ASIC2: variants seen among roughly 807,000 people sequenced by gnomAD.
ASIC2 encodes the protein acid sensing ion channel subunit 2, also known as acid-sensing ion channel 2.
In ASIC2, 25 loss-of-function variants were observed where a neutral mutation model predicts 57.3. That is an observed-to-expected ratio of 0.44 (90% CI 0.32 to 0.61). The LOEUF is 0.61. ASIC2 is among the 20% of genes least tolerant of loss of function. The pLI is 0.06. For synonymous variants in ASIC2, 319 were observed against 307.5 expected, an observed-to-expected ratio of 1.04 and a Z score of -0.39; for missense variants, 641 against 738.1, an observed-to-expected ratio of 0.87 and a Z score of 1.52.
chr17:33,108,434 G>T (rs2092243717), intron 2 of ASIC2, among the ~76,000 whole-genome samples: 1 of 152,146 alleles, frequency 6.6e-6, no homozygotes, highest in African/African-American at 2.4e-5. Flanking sequence ...GGGCAGGAAG[G>T]CTGCCTCCTG....
At chr17:34,129,101 A>G (rs1408866215) in intron 1 of ASIC2, among the ~76,000 whole-genome samples, 1 of 152,174 alleles carries the variant, frequency 6.6e-6, no homozygotes, top group Non-Finnish European at 1.5e-5. Context: ...GAACTATGAG[A>G]ATAAAAAGCG....
chr17:33,357,649 A>G (rs908280761), intron 1 of ASIC2, among the ~76,000 whole-genome samples: 4 of 152,060 alleles, frequency 2.6e-5, no homozygotes, highest in Admixed American at 1.3e-4. Flanking sequence ...TAAATCTCCC[A>G]CATGTATTAC....
chr17:33,968,660 T>C (rs1002063963), intron 1 of ASIC2, among the ~76,000 whole-genome samples: 1 of 152,144 alleles, frequency 6.6e-6, no homozygotes, highest in African/African-American at 2.4e-5. Context: ...GGGCTTCAGC[T>C]CCGTTGGGCT....
intron 1 of ASIC2, among the ~76,000 whole-genome samples, chr17:34,060,316 T>C (rs1311887792): frequency 6.6e-6 from 1 of 152,144 alleles, no homozygotes; most frequent in Non-Finnish European, 1.5e-5. Flanking sequence ...ATCAAGGGAA[T>C]ATCCTGTGAG....
intron 1 of ASIC2, among the ~76,000 whole-genome samples, chr17:34,011,265 A>G (rs1398888496): frequency 6.6e-6 from 1 of 152,148 alleles, no homozygotes; most frequent in East Asian, 1.9e-4. Flanking sequence ...ATAGACGCAC[A>G]TACCTTGGCC....
rs532208371 is a variant in ASIC2 at position 34,040,736 on chromosome 17, C to G, written c.555+115242G>C. Among the ~76,000 whole-genome samples, 580 of 152,208 alleles carry G rather than the reference C, an allele frequency of 3.8e-3. 3 individuals carry two copies. The highest frequency in any genetic ancestry group is 0.013 in the African/African-American group (539 of 41,522). On this transcript the variant is annotated intron_variant, in intron 1 of 9. Transcript: ENST00000359872. ...CCAGTGTCCTCACCTCTCCCCTTCC[C>G]CAGCCTCACCTCTCACATTTCCAGA... is the stretch of plus-strand genomic sequence containing the variant.
intron 1 of ASIC2, among the ~76,000 whole-genome samples, chr17:33,896,806 G>C (rs1353359904): frequency 2.6e-5 from 4 of 152,154 alleles, no homozygotes; most frequent in Admixed American, 6.5e-5. Context: ...TGTGTCCCAG[G>C]GTCCCATGTC....
intron 1 of ASIC2, among the ~76,000 whole-genome samples, chr17:33,991,973 A>T (rs1346414506): frequency 2.0e-5 from 3 of 152,132 alleles, no homozygotes; most frequent in Non-Finnish European, 4.4e-5. Flanking sequence ...GAGGTGTTTG[A>T]TCTTTAAGAT....
At chr17:33,245,557 A>G (rs1442052405) in intron 1 of ASIC2, among the ~76,000 whole-genome samples, 2 of 152,210 alleles carry the variant, frequency 1.3e-5, no homozygotes, top group Non-Finnish European at 2.9e-5. Flanking sequence ...GTGGGTTGCA[A>G]ATTCTGTACA....
intron 1 of ASIC2, among the ~76,000 whole-genome samples, chr17:33,728,326 C>T (rs1029265119): frequency 4.6e-5 from 7 of 152,160 alleles, no homozygotes; most frequent in African/African-American, 1.7e-4. Flanking sequence ...CAGACTCAGG[C>T]TGAGGCTGAG....
chr17:33,241,079 G>A (rs1461984136), intron 1 of ASIC2, among the ~76,000 whole-genome samples: 1 of 152,226 alleles, frequency 6.6e-6, no homozygotes, highest in Admixed American at 6.5e-5. Flanking sequence ...AGCCCAGGCA[G>A]CATGAAAGCA....
chr17:33,669,151 TG>T (rs1356336973), intron 1 of ASIC2, among the ~76,000 whole-genome samples: 1 of 152,196 alleles, frequency 6.6e-6, no homozygotes, highest in Admixed American at 6.5e-5. Flanking sequence ...GGGTCATCCT[TG>T]GGTAAGTGAC....
At chr17:33,330,126 A>C (rs1168063206) in intron 1 of ASIC2, among the ~76,000 whole-genome samples, 1 of 152,214 alleles carries the variant, frequency 6.6e-6, no homozygotes, top group Non-Finnish European at 1.5e-5. Flanking sequence ...TGGTGGGATC[A>C]GATGATCTCT....
intron 1 of ASIC2, among the ~76,000 whole-genome samples, chr17:33,868,228 GAT>G (rs1914298328): frequency 6.6e-6 from 1 of 151,700 alleles, no homozygotes; most frequent in African/African-American, 2.4e-5. Flanking sequence ...TGAAGGAAGA[GAT>G]AATAAATATT....
At position 34,039,951 on chromosome 17, in the gene ASIC2, C is replaced by A. The variant is rs1597988484; in HGVS notation, c.555+116027G>T. On this transcript the variant is annotated intron_variant, in intron 1 of 9. Coordinates refer to the ASIC2 transcript ENST00000359872. Reference sequence around the variant, plus strand: ...GACCCGACCCGGCTGCGGACCGCTCCGCTCTCCCCCTGGGCAGGCCCGGGG... The same window carrying A: ...GACCCGACCCGGCTGCGGACCGCTCAGCTCTCCCCCTGGGCAGGCCCGGGG... 22 of 1,242,148 alleles carry A rather than the reference C, an allele frequency of 1.8e-5. No individual in the cohort carries two copies. In the South Asian group the frequency reaches 2.1e-4, roughly 12 times the overall value. 76.9% of individuals were successfully genotyped at this position (1,242,148 alleles called of 1,614,324 possible).
intron 1 of ASIC2, among the ~76,000 whole-genome samples, chr17:33,393,622 A>G (rs1394390): frequency 0.099 from 14,998 of 152,202 alleles, 871 homozygotes; most frequent in Non-Finnish European, 0.13. Flanking sequence ...GGGAATAATA[A>G]AACCTATCTC....
chr17:33,949,139 A>G lies in ASIC2; in HGVS notation c.555+206839T>C, dbSNP rs73274592. On this transcript the variant is annotated intron_variant, in intron 1 of 9. Coordinates refer to the ASIC2 transcript ENST00000359872. Reference sequence around the variant, plus strand: ...AATGTAAAGACCAGTGGGCCATGCAAAAACAAGTGGTGGGTCAAAGTTTCA... The same window carrying G: ...AATGTAAAGACCAGTGGGCCATGCAGAAACAAGTGGTGGGTCAAAGTTTCA... Among the ~76,000 whole-genome samples the G allele has an allele frequency of 7.4e-3, 1,131 of 152,324 alleles. 20 individuals carry two copies. The highest frequency in any genetic ancestry group is 0.026 in the African/African-American group (1,066 of 41,570).
intron 1 of ASIC2, among the ~76,000 whole-genome samples, chr17:33,701,953 T>A (rs763246223): frequency 6.6e-6 from 1 of 152,168 alleles, no homozygotes; most frequent in African/African-American, 2.4e-5. Context: ...TCTGCAGACA[T>A]AGAAGTTCTG....
At chr17:33,616,120 C>A (rs1355945998) in intron 1 of ASIC2, among the ~76,000 whole-genome samples, 1 of 152,224 alleles carries the variant, frequency 6.6e-6, no homozygotes. Context: ...CTGTCAGCAG[C>A]AACTGCAGCA....
Sources: gnomAD v4.1 joint callset for allele counts (sites outside exome capture counted in the v4.1 genomes callset) on GRCh38, gnomAD v4.1.1 for gene constraint, MANE v1.5 for transcripts, NCBI Gene and HGNC (gene_info 2026-07-23, HGNC 2026-07-21) for gene names.